Variants in CCDC171 observed in about 807,000 individuals in gnomAD.
CCDC171 encodes the protein coiled-coil domain-containing protein 171.
Under a neutral mutation model 168.2 loss-of-function variants are expected in CCDC171, and 177 were observed. The observed-to-expected ratio is 1.05, with a 90% CI of 0.93 to 1.19. The LOEUF (loss-of-function observed/expected upper bound fraction) is 1.19, where lower values mean the gene tolerates loss of function less well. Among genes scored for constraint, CCDC171 ranks in the 50% most tolerant of loss-of-function variants. CCDC171 has a pLI of 0.00. For synonymous variants in CCDC171, 687 were observed against 540.8 expected (o/e 1.27, Z -3.75); for missense variants, 1,991 against 1,539.0 (o/e 1.29, Z -4.91).
At chr9:15,775,691 C>A (rs1346582634) in intron 18 of CCDC171, among the ~76,000 whole-genome samples, 1 of 152,016 alleles carries the variant, frequency 6.6e-6, no homozygotes, top group African/African-American at 2.4e-5. Context: ...TTTTTGTATC[C>A]TGAAATTTCC....
intron 21 of CCDC171, among the ~76,000 whole-genome samples, chr9:15,839,644 T>A (rs910357545): frequency 6.6e-6 from 1 of 151,704 alleles, no homozygotes; most frequent in South Asian, 2.1e-4. Context: ...CAAGTAATTT[T>A]CCCCCCTAGT....
chr9:15,587,052 A>G (rs544490631), intron 4 of CCDC171, among the ~76,000 whole-genome samples: 22 of 152,260 alleles, frequency 1.4e-4, no homozygotes, highest in Non-Finnish European at 2.2e-4. Flanking sequence ...GCCACAATCA[A>G]TCCTCCAAGC....
chr9:15,598,080 T>G (rs1404113375), intron 6 of CCDC171, among the ~76,000 whole-genome samples: 1 of 152,142 alleles, frequency 6.6e-6, no homozygotes, highest in Non-Finnish European at 1.5e-5. Context: ...TCAATTTTGT[T>G]GATCTTTTCA....
At chr9:15,931,468 T>A in intron 25 of CCDC171, among the ~76,000 whole-genome samples, 1 of 144,712 alleles carries the variant, frequency 6.9e-6, no homozygotes, top group Admixed American at 6.9e-5. Context: ...TTTTTTTTTT[T>A]TTTTTTTTTT....
In CCDC171 at chr9:15,558,982, C is replaced by T. The variant is rs370947618; in HGVS notation, c.-111-4996C>T. On this transcript the variant is annotated intron_variant, in intron 1 of 25. Coordinates refer to ENST00000380701, the MANE Select transcript of CCDC171 (RefSeq NM_173550.4). ...AACATCTTTATTTCTGCCTTCATTT[C>T]GTTATGTACCCAGCAGTCATTCAGG... 6.2e-4 allele frequency among the ~76,000 whole-genome samples: 94 copies of T among 152,228 alleles called. 1 individual carries two copies. In the East Asian group the frequency reaches 0.016, roughly 26 times the overall value.
intron 21 of CCDC171, among the ~76,000 whole-genome samples, chr9:15,827,079 T>C (rs1488586149): frequency 1.3e-5 from 2 of 152,200 alleles, no homozygotes; most frequent in Non-Finnish European, 2.9e-5. Context: ...GCTGTTAGGC[T>C]GGGCAACCCT....
the CCDC171 span, among the ~76,000 whole-genome samples, chr9:16,071,959 A>G: frequency 5.9e-5 from 9 of 151,628 alleles, no homozygotes; most frequent in South Asian, 1.9e-3. Flanking sequence ...CAAATTCCTC[A>G]CTGTTGTATA....
intron 4 of CCDC171, among the ~76,000 whole-genome samples, chr9:15,586,712 C>T (rs1043513734): frequency 1.3e-5 from 2 of 151,996 alleles, no homozygotes; most frequent in Non-Finnish European, 2.9e-5. Flanking sequence ...CTGGAGATGG[C>T]GAAATAGAGT....
intron 24 of CCDC171, among the ~76,000 whole-genome samples, chr9:15,912,902 T>C (rs148446595): frequency 8.3e-4 from 126 of 152,326 alleles, no homozygotes; most frequent in African/African-American, 3.0e-3. Flanking sequence ...TGGATCATGG[T>C]GGATAAGCTT....
chr9:15,935,773 C>G (rs2132214961), intron 25 of CCDC171, among the ~76,000 whole-genome samples: 1 of 152,102 alleles, frequency 6.6e-6, no homozygotes, highest in South Asian at 2.1e-4. Context: ...ACTTTTAACT[C>G]ATCAGACTGT....
chr9:16,069,182 A>G, the CCDC171 span, among the ~76,000 whole-genome samples: 19,023 of 152,304 alleles, frequency 0.12, 1,239 homozygotes, highest in Middle Eastern at 0.15. Context: ...GGTTAAAATC[A>G]TAAGAAAAGA....
intron 25 of CCDC171, among the ~76,000 whole-genome samples, chr9:15,958,859 A>T (rs1038584857): frequency 1.3e-5 from 2 of 152,154 alleles, no homozygotes; most frequent in African/African-American, 4.8e-5. Flanking sequence ...CCAAATTAGT[A>T]TACCGAAATC....
intron 21 of CCDC171, among the ~76,000 whole-genome samples, chr9:15,813,534 T>C (rs2059442021): frequency 6.6e-6 from 1 of 152,178 alleles, no homozygotes; most frequent in Admixed American, 6.6e-5. Context: ...GGTTGCTTTT[T>C]TCCTCCCCAG....
intron 18 of CCDC171, among the ~76,000 whole-genome samples, chr9:15,753,745 T>C (rs962351546): frequency 6.6e-6 from 1 of 152,064 alleles, no homozygotes; most frequent in African/African-American, 2.4e-5. Context: ...TTTTTTAGGG[T>C]AAGTTTTAAG....
At chr9:15,579,075 A>G in intron 4 of CCDC171, 52 bp downstream of exon 4, 6 of 1,427,596 alleles carry the variant, frequency 4.2e-6, no homozygotes, top group East Asian at 2.3e-5. Context: ...CTGATTGTAT[A>G]TCACTCCTCG....
chr9:16,047,798 C>A (rs1181724266), intron 1 of CCDC171, among the ~76,000 whole-genome samples: 3 of 152,196 alleles, frequency 2.0e-5, no homozygotes, highest in African/African-American at 7.2e-5. Flanking sequence ...ATAAAAAGCA[C>A]TTTTAAGAGT....
rs777822036 is a variant in CCDC171 at position 15,601,874 on chromosome 9, G to T, written c.675+7702G>T. Among the ~76,000 whole-genome samples the T allele has an allele frequency of 4.6e-5, 7 of 152,108 alleles. No individual in the cohort carries two copies. The South Asian group carries it at 1.4e-3, about 31-fold the overall frequency. On this transcript the variant is annotated intron_variant, in intron 6 of 25. Transcript: ENST00000380701. ...TAAATTTATAAAATATAATTCAAAG[G>T]CCTGTGTATAAATATGTGGATGATG...
chr9:15,650,429 T>G (rs1264658011), intron 7 of CCDC171, among the ~76,000 whole-genome samples: 1 of 152,066 alleles, frequency 6.6e-6, no homozygotes, highest in African/African-American at 2.4e-5. Context: ...ATTATAGCCA[T>G]GTAGTGGGTG....
intron 6 of CCDC171, among the ~76,000 whole-genome samples, chr9:15,614,881 T>C (rs911765818): frequency 2.0e-5 from 3 of 152,044 alleles, no homozygotes; most frequent in Non-Finnish European, 2.9e-5. Flanking sequence ...AAGTAGAAAA[T>C]AGAAAAGCTG....
Sources: gnomAD v4.1 joint callset for allele counts (sites outside exome capture counted in the v4.1 genomes callset) on GRCh38, gnomAD v4.1.1 for gene constraint, MANE v1.5 for transcripts, NCBI Gene and HGNC (gene_info 2026-07-23, HGNC 2026-07-21) for gene names.